FBXL7: variants seen among roughly 807,000 people sequenced by gnomAD.
FBXL7 encodes F-box and leucine rich repeat protein 7.
Under a neutral mutation model 38.3 loss-of-function variants are expected in FBXL7, and 12 were observed. The ratio of observed to expected loss-of-function variants is 0.31; its 90% CI spans 0.20 to 0.51. The LOEUF (loss-of-function observed/expected upper bound fraction) is 0.51. Among genes scored for constraint, FBXL7 ranks in the 20% least tolerant of loss-of-function variants. The probability of loss-of-function intolerance (pLI) is 0.98; values close to 1 mark genes in which losing one functional copy is unlikely to be tolerated. For synonymous variants in FBXL7, 297 were observed against 300.9 expected (o/e 0.99, Z 0.13); for missense variants, 567 against 676.4 (o/e 0.84, Z 1.79).
At chr5:15,861,232 T>C (rs1739460351) in intron 2 of FBXL7, among the ~76,000 whole-genome samples, 1 of 152,304 alleles carries the variant, frequency 6.6e-6, no homozygotes, top group Admixed American at 6.5e-5. Context: ...CTCCCAAGGA[T>C]GGCTGCCTCA....
chr5:15,727,741 G>C (rs540123162), intron 2 of FBXL7, among the ~76,000 whole-genome samples: 1 of 152,220 alleles, frequency 6.6e-6, no homozygotes, highest in South Asian at 2.1e-4. Context: ...GAGGTTCTTA[G>C]ATATTTATAT....
chr5:15,888,853 T>A (rs1740790054), intron 2 of FBXL7, among the ~76,000 whole-genome samples: 4 of 152,148 alleles, frequency 2.6e-5, no homozygotes, highest in African/African-American at 7.2e-5. Flanking sequence ...ATTACTTGAA[T>A]AGTGATATAT....
At chr5:15,522,353 A>G (rs1286164971) in intron 1 of FBXL7, among the ~76,000 whole-genome samples, 3 of 152,182 alleles carry the variant, frequency 2.0e-5, no homozygotes, top group East Asian at 1.9e-4. Context: ...CAGTGTGCCC[A>G]GTTTGGTTTA....
intron 1 of FBXL7, 108 bp from the exon 2 acceptor site, chr5:15,615,875 C>G: frequency 1.6e-6 from 1 of 642,068 alleles, no homozygotes. Flanking sequence ...TGTATTATAG[C>G]TGCTTTCTTG....
chr5:15,876,885 G>A (rs375327774), intron 2 of FBXL7, among the ~76,000 whole-genome samples: 4 of 152,310 alleles, frequency 2.6e-5, no homozygotes, highest in East Asian at 1.9e-4. Flanking sequence ...CTACTAGTGG[G>A]AGATGGTTAC....
Position 15,927,913 on chromosome 5 carries a change from C to A in FBXL7, c.151C>A (p.Leu51Met). The A allele has an allele frequency of 2.0e-6, 3 of 1,532,474 alleles. No individual in the cohort carries two copies. The highest frequency in any genetic ancestry group is 2.6e-6 in the Non-Finnish European group (3 of 1,139,910). 94.9% of individuals were successfully genotyped at this position (1,532,474 alleles called of 1,614,324 possible). A position where few individuals can be genotyped will look rare whatever the true frequency, so the allele number is the denominator to read the frequency against. The change falls in exon 3 of 4, where the codon CTG (leucine) becomes ATG (methionine). Residue 51 changes from leucine (L) to methionine (M), a missense_variant. Physicochemically the swap from Leu to Met is conservative, Grantham distance 15 (BLOSUM62 2). Transcript: ENST00000504595. ...SEDSDLSMRT[L>M]STPSPALICP... ...AGACTCCGACCTGAGCATGCGCACACTGAGCACGCCCAGCCCAGCCCTGAT... is the reference window on the plus strand; with the variant it reads ...AGACTCCGACCTGAGCATGCGCACAATGAGCACGCCCAGCCCAGCCCTGAT...
intron 2 of FBXL7, among the ~76,000 whole-genome samples, chr5:15,835,505 G>A (rs1738570371): frequency 6.6e-6 from 1 of 152,190 alleles, no homozygotes; most frequent in South Asian, 2.1e-4. Context: ...GCAGAGCAGA[G>A]TGACTTTTTT....
intron 1 of FBXL7, among the ~76,000 whole-genome samples, chr5:15,611,789 C>T (rs909576965): frequency 3.3e-5 from 5 of 151,256 alleles, no homozygotes; most frequent in Admixed American, 2.6e-4. Flanking sequence ...TTGAGACCAG[C>T]CTGGGCAACA....
intron 2 of FBXL7, among the ~76,000 whole-genome samples, chr5:15,775,390 C>T (rs2126715117): frequency 6.6e-6 from 1 of 152,166 alleles, no homozygotes; most frequent in Non-Finnish European, 1.5e-5. Flanking sequence ...CATATACACA[C>T]ACACACACAC....
chr5:15,593,220 C>T (rs1580391042), intron 1 of FBXL7, among the ~76,000 whole-genome samples: 1 of 152,214 alleles, frequency 6.6e-6, no homozygotes, highest in Non-Finnish European at 1.5e-5. Flanking sequence ...AGTTGCCTCT[C>T]CTTTAGAAAT....
chr5:15,788,494 G>T (rs889087348), intron 2 of FBXL7, among the ~76,000 whole-genome samples: 2 of 152,104 alleles, frequency 1.3e-5, no homozygotes, highest in African/African-American at 2.4e-5. Flanking sequence ...CTCAAATTTT[G>T]CTGGGAGATA....
At chr5:15,841,252 G>C (rs1054580545) in intron 2 of FBXL7, among the ~76,000 whole-genome samples, 9 of 152,168 alleles carry the variant, frequency 5.9e-5, no homozygotes, top group African/African-American at 2.2e-4. Flanking sequence ...AATGATATGA[G>C]AATCATTTTT....
intron 2 of FBXL7, among the ~76,000 whole-genome samples, chr5:15,695,967 T>C (rs1386192874): frequency 1.3e-5 from 2 of 152,204 alleles, no homozygotes; most frequent in African/African-American, 4.8e-5. Flanking sequence ...CTGATGCAGT[T>C]ACAGTGAAGA....
chr5:15,757,704 T>G (rs1308340199), intron 2 of FBXL7, among the ~76,000 whole-genome samples: 3 of 152,148 alleles, frequency 2.0e-5, no homozygotes, highest in African/African-American at 7.2e-5. Flanking sequence ...ATTTGTAAAC[T>G]GAAAATGACT....
At chr5:15,914,405 A>G (rs1370609296) in intron 2 of FBXL7, among the ~76,000 whole-genome samples, 2 of 142,464 alleles carry the variant, frequency 1.4e-5, no homozygotes, top group Non-Finnish European at 3.1e-5. Flanking sequence ...AAAAAAAAAA[A>G]GGAATGAGCA....
chr5:15,623,200 C>A (rs930807156), intron 2 of FBXL7, among the ~76,000 whole-genome samples: 1 of 152,188 alleles, frequency 6.6e-6, no homozygotes, highest in Non-Finnish European at 1.5e-5. Flanking sequence ...TTGTTAAGCC[C>A]AAATCCTTTG....
rs145675284 is a variant in FBXL7, at chr5:15,513,550, A to G, written c.37+12837A>G. On this transcript the variant is annotated intron_variant, in intron 1 of 3. Coordinates refer to ENST00000504595, the MANE Select transcript of FBXL7 (RefSeq NM_012304.5). ...TGATGTGGTATCTGCCTGCAGCTGTATGTTTTAGTTTGTTTCCTGCATGTG... is the reference window on the plus strand; with the variant it reads ...TGATGTGGTATCTGCCTGCAGCTGTGTGTTTTAGTTTGTTTCCTGCATGTG... Among the ~76,000 whole-genome samples, 954 of 152,234 alleles carry G rather than the reference A, an allele frequency of 6.3e-3. 6 individuals carry two copies. Among genetic ancestry groups the G allele is most frequent in the Middle Eastern group, 0.027 (8 of 294 alleles).
chr5:15,868,455 C>T (rs1473287328), intron 2 of FBXL7, among the ~76,000 whole-genome samples: 1 of 152,184 alleles, frequency 6.6e-6, no homozygotes, highest in Non-Finnish European at 1.5e-5. Context: ...ACTAAGATAC[C>T]TTCTCCGGCA....
chr5:15,900,860 GTTTAC>G (rs1741217018), intron 2 of FBXL7, among the ~76,000 whole-genome samples: 1 of 152,150 alleles, frequency 6.6e-6, no homozygotes, highest in South Asian at 2.1e-4. Flanking sequence ...TTTAGAACAA[GTTTAC>G]TTTACAATCT....
Sources: allele counts gnomAD v4.1 joint callset (sites outside exome capture counted in the v4.1 genomes callset), GRCh38; gene constraint gnomAD v4.1.1; transcripts MANE v1.5; gene names NCBI Gene and HGNC (gene_info 2026-07-23, HGNC 2026-07-21).